The following NLGN1 variants were observed in gnomAD, a reference collection of about 807,000 sequenced individuals.
The protein encoded by NLGN1 is neuroligin-1.
In NLGN1, 12 loss-of-function variants were observed where a neutral mutation model predicts 65.5. The observed-to-expected ratio is 0.18, with a 90% CI of 0.12 to 0.30. The LOEUF (loss-of-function observed/expected upper bound fraction) is 0.30, where lower values mean the gene tolerates loss of function less well. Among genes scored for constraint, NLGN1 ranks in the 10% least tolerant of loss-of-function variants. The probability of loss-of-function intolerance (pLI) is 1.00; values close to 1 mark genes in which losing one functional copy is unlikely to be tolerated. For missense variants in NLGN1, 750 were observed against 1,007.1 expected (o/e 0.74, Z 3.46); for synonymous variants, 350 against 359.5 (o/e 0.97, Z 0.30).
chr3:173,730,593 G>A (rs1772655289), intron 3 of NLGN1, among the ~76,000 whole-genome samples: 1 of 152,112 alleles, frequency 6.6e-6, no homozygotes, highest in Non-Finnish European at 1.5e-5. Context: ...GCTTCAAGTA[G>A]CTAGTGGTCA....
intron 3 of NLGN1, among the ~76,000 whole-genome samples, chr3:173,782,672 T>C (rs867496132): frequency 2.0e-5 from 3 of 149,936 alleles, no homozygotes; most frequent in Admixed American, 6.7e-5. Context: ...GCAAATTTTA[T>C]TGTGTACTCA....
At chr3:174,131,146 C>T (rs1720097527) in intron 4 of NLGN1, among the ~76,000 whole-genome samples, 1 of 152,134 alleles carries the variant, frequency 6.6e-6, no homozygotes, top group Admixed American at 6.6e-5. Context: ...CATGCAGATA[C>T]TATGATGCCC....
chr3:173,652,863 C>A (rs1440326706), intron 3 of NLGN1, among the ~76,000 whole-genome samples: 1 of 152,142 alleles, frequency 6.6e-6, no homozygotes, highest in Admixed American at 6.6e-5. Flanking sequence ...AATATTGATT[C>A]TTCCAATTCA....
intron 4 of NLGN1, among the ~76,000 whole-genome samples, chr3:173,876,245 C>T (rs931101242): frequency 2.0e-5 from 3 of 152,016 alleles, no homozygotes; most frequent in Non-Finnish European, 2.9e-5. Context: ...GTGGTTGAGT[C>T]GGAACAGGTC....
intron 4 of NLGN1, among the ~76,000 whole-genome samples, chr3:174,111,435 G>T (rs1715200177): frequency 6.6e-6 from 1 of 151,756 alleles, no homozygotes. Context: ...TTTAAAGGTT[G>T]GCAATTATTT....
intron 4 of NLGN1, among the ~76,000 whole-genome samples, chr3:174,227,872 T>A (rs534423108): frequency 8.5e-5 from 13 of 152,242 alleles, no homozygotes; most frequent in African/African-American, 3.1e-4. Context: ...ATGTGGTGTA[T>A]TAAATAGATA....
intron 4 of NLGN1, among the ~76,000 whole-genome samples, chr3:174,272,555 A>G (rs564769250): frequency 6.6e-6 from 1 of 151,768 alleles, no homozygotes. Flanking sequence ...AGTTGGCCTT[A>G]ATAAAGACAG....
intron 2 of NLGN1, among the ~76,000 whole-genome samples, chr3:173,445,289 A>C (rs891930508): frequency 5.4e-5 from 8 of 148,958 alleles, no homozygotes; most frequent in South Asian, 4.3e-4. Context: ...AAAAAAAAAA[A>C]AAAAAACAAG....
intron 3 of NLGN1, among the ~76,000 whole-genome samples, chr3:173,720,947 G>A (rs1057048796): frequency 7.9e-5 from 12 of 152,168 alleles, no homozygotes; most frequent in African/African-American, 2.4e-4. Context: ...GAAGACTACC[G>A]TGGTCTTGAA....
intron 2 of NLGN1, among the ~76,000 whole-genome samples, chr3:173,542,075 T>C (rs953433893): frequency 6.6e-6 from 1 of 152,038 alleles, no homozygotes; most frequent in African/African-American, 2.4e-5. Flanking sequence ...CTCTGTTTGA[T>C]CCCCTGCATT....
At position 174,000,045 on chromosome 3, in the gene NLGN1, T is replaced by C. The variant is rs116456344; in HGVS notation, c.646+192213T>C. The stretch of plus-strand genomic sequence containing the variant: ...TCATAATAAGGAGTTACGTGGTGGA[T>C]ACCTTAAACATTTTATTATTTTGAA... On this transcript the variant is annotated intron_variant, in intron 4 of 6. Coordinates refer to ENST00000457714, the Ensembl canonical transcript of NLGN1. 8.0e-3 allele frequency among the ~76,000 whole-genome samples: 1,220 copies of C among 152,214 alleles called. 15 individuals carry two copies. Among genetic ancestry groups the C allele is most frequent in the African/African-American group, 0.028 (1,160 of 41,534 alleles).
chr3:173,994,063 T>C (rs1479634581), intron 4 of NLGN1, among the ~76,000 whole-genome samples: 1 of 152,088 alleles, frequency 6.6e-6, no homozygotes, highest in African/African-American at 2.4e-5. Context: ...ATGTTTAACT[T>C]TTATGGAAAA....
At chr3:173,981,186 A>G (rs970008181) in intron 4 of NLGN1, among the ~76,000 whole-genome samples, 6 of 152,150 alleles carry the variant, frequency 3.9e-5, no homozygotes, top group Non-Finnish European at 5.9e-5. Context: ...TAACAACAGC[A>G]TGACAGTTGT....
At chr3:173,427,561 C>G (rs569700300) in intron 1 of NLGN1, among the ~76,000 whole-genome samples, 45 of 151,984 alleles carry the variant, frequency 3.0e-4, no homozygotes, top group Non-Finnish European at 4.4e-4. Context: ...GCAATGTGTT[C>G]ATTGACCCAT....
At chr3:174,153,495 T>A (rs1395914264) in intron 4 of NLGN1, among the ~76,000 whole-genome samples, 5 of 152,156 alleles carry the variant, frequency 3.3e-5, no homozygotes, top group African/African-American at 1.2e-4. Flanking sequence ...TTGAGCATTA[T>A]CTTGGTTTCT....
intron 3 of NLGN1, among the ~76,000 whole-genome samples, chr3:173,616,431 T>G (rs1224696613): frequency 6.6e-6 from 1 of 152,154 alleles, no homozygotes. Flanking sequence ...ATGAGAGTTT[T>G]CACCATCTGT....
At chr3:173,591,167 T>TTA (rs1166470010) in intron 2 of NLGN1, among the ~76,000 whole-genome samples, 1 of 152,220 alleles carries the variant, frequency 6.6e-6, no homozygotes, top group Non-Finnish European at 1.5e-5. Flanking sequence ...TTTGGCAACC[T>TTA]ATATTCCATG....
chr3:174,039,897 C>G (rs967711178), intron 4 of NLGN1, among the ~76,000 whole-genome samples: 1 of 152,048 alleles, frequency 6.6e-6, no homozygotes, highest in African/African-American at 2.4e-5. Context: ...GTAGGACTTT[C>G]GTGTTGCAGC....
chr3:173,903,592 G>T (rs559069342), intron 4 of NLGN1, among the ~76,000 whole-genome samples: 2 of 152,124 alleles, frequency 1.3e-5, no homozygotes, highest in East Asian at 3.9e-4. Context: ...TTGGGAAGAA[G>T]TGATTAAACA....
Sources: allele counts gnomAD v4.1 joint callset (sites outside exome capture counted in the v4.1 genomes callset), GRCh38; gene constraint gnomAD v4.1.1; transcripts MANE v1.5; gene names NCBI Gene and HGNC (gene_info 2026-07-23, HGNC 2026-07-21).